The following NBEA variants were observed in gnomAD, a reference collection of about 807,000 sequenced individuals.
The protein encoded by NBEA is lysosomal-trafficking regulator 2.
Under a neutral mutation model 343.4 loss-of-function variants are expected in NBEA, and 44 were observed. That is an observed-to-expected ratio of 0.13 (90% confidence interval 0.10 to 0.16). NBEA has a LOEUF of 0.16. Ranked by LOEUF, NBEA falls within the 10% of genes least tolerant of loss-of-function variation. NBEA has a pLI of 1.00. For synonymous variants in NBEA, 1,175 were observed against 1,238.7 expected, an observed-to-expected ratio of 0.95 and a Z score of 1.08; for missense variants, 2,555 against 3,631.3, an observed-to-expected ratio of 0.70 and a Z score of 7.62.
intron 34 of NBEA, among the ~76,000 whole-genome samples, chr13:35,259,557 TA>T (rs564618436): frequency 2.0e-4 from 31 of 152,240 alleles, no homozygotes; most frequent in African/African-American, 7.2e-4. Context: ...ATTTTCACAT[TA>T]GGGGAAAAAT....
intron 1 of NBEA, among the ~76,000 whole-genome samples, chr13:34,963,618 C>T (rs554794122): frequency 2.6e-5 from 4 of 152,010 alleles, no homozygotes; most frequent in South Asian, 4.2e-4. Context: ...ACTTAAATTC[C>T]TGTAAAAATG....
intron 33 of NBEA, among the ~76,000 whole-genome samples, chr13:35,214,502 CT>C (rs924210059): frequency 6.6e-6 from 1 of 151,516 alleles, no homozygotes; most frequent in Non-Finnish European, 1.5e-5. Context: ...GGTGAGTATT[CT>C]TTTTTGCATA....
intron 36 of NBEA, among the ~76,000 whole-genome samples, chr13:35,317,041 T>G (rs1215160473): frequency 6.6e-6 from 1 of 152,180 alleles, no homozygotes; most frequent in African/African-American, 2.4e-5. Flanking sequence ...TTGCAAAAAT[T>G]TTCTCCCATG....
In NBEA at chr13:35,627,679, A is replaced by C. The variant is rs75766052; in HGVS notation, c.7450-402A>C. 3.7e-4 allele frequency among the ~76,000 whole-genome samples: 57 copies of C among 152,298 alleles called. 1 individual carries two copies. The East Asian group carries it at 0.011, about 29-fold the overall frequency. On this transcript the variant is annotated intron_variant, in intron 48 of 58. Coordinates refer to ENST00000379939, the MANE Select transcript of NBEA (RefSeq NM_001385012.1). Reference sequence around the variant, plus strand: ...ATCAGAGTTTCTCATAAAATTGCTTAATTTCAAACTAATATTTAAAAATGA... The same window carrying C: ...ATCAGAGTTTCTCATAAAATTGCTTCATTTCAAACTAATATTTAAAAATGA...
At chr13:35,526,015 T>C (rs1479336270) in intron 41 of NBEA, among the ~76,000 whole-genome samples, 1 of 152,176 alleles carries the variant, frequency 6.6e-6, no homozygotes, top group Non-Finnish European at 1.5e-5. Flanking sequence ...GTCTCAGCTC[T>C]CCCAGCATTT....
At chr13:35,251,940 T>C (rs953220585) in intron 34 of NBEA, 12 of 153,426 alleles carry the variant, frequency 7.8e-5, no homozygotes, top group African/African-American at 2.2e-4. Flanking sequence ...TGAAATTTTG[T>C]GATTGGTTTC....
intron 17 of NBEA, among the ~76,000 whole-genome samples, chr13:35,129,134 A>G (rs928907169): frequency 1.3e-5 from 2 of 152,024 alleles, no homozygotes; most frequent in African/African-American, 4.8e-5. Flanking sequence ...TGGGTGCAGC[A>G]CACCAACATG....
At chr13:35,434,687 G>A (rs527678305) in intron 39 of NBEA, among the ~76,000 whole-genome samples, 1 of 152,306 alleles carries the variant, frequency 6.6e-6, no homozygotes, top group African/African-American at 2.4e-5. Context: ...AAATACAGAG[G>A]ATGTAGAGAA....
At chr13:35,163,451 C>T (rs375886949) in intron 23 of NBEA, among the ~76,000 whole-genome samples, 6 of 151,668 alleles carry the variant, frequency 4.0e-5, no homozygotes, top group East Asian at 1.9e-4. Context: ...CTCAGGAGTT[C>T]GAGACCAGGG....
At chr13:35,156,963 C>A in intron 20 of NBEA, 115 bp from the exon 21 acceptor site, 1 of 773,598 alleles carries the variant, frequency 1.3e-6, no homozygotes, top group African/African-American at 1.8e-5. Flanking sequence ...GACTGTACAC[C>A]TTGCTTTACT....
At chr13:35,498,199 T>C (rs1320150312) in intron 41 of NBEA, among the ~76,000 whole-genome samples, 1 of 152,088 alleles carries the variant, frequency 6.6e-6, no homozygotes, top group Admixed American at 6.6e-5. Context: ...TCACTTGTAA[T>C]GTCCATCTTG....
At position 35,403,616 on chromosome 13, in the gene NBEA, A is replaced by G. The variant is rs1373016220; in HGVS notation, c.6180-28653A>G. Among the ~76,000 whole-genome samples, 3 of 152,242 alleles carry G rather than the reference A, an allele frequency of 2.0e-5. No individual in the cohort carries two copies. In the East Asian group the frequency reaches 5.8e-4, roughly 29 times the overall value. ...TACAAAAATTAATTCAAGATGGATTAGAGACTTAAACATTAGACCTAAAAC... is the reference window on the plus strand; with the variant it reads ...TACAAAAATTAATTCAAGATGGATTGGAGACTTAAACATTAGACCTAAAAC... On this transcript the variant is annotated intron_variant, in intron 38 of 58. Coordinates refer to ENST00000379939, the MANE Select transcript of NBEA (RefSeq NM_001385012.1).
intron 1 of NBEA, among the ~76,000 whole-genome samples, chr13:34,983,505 A>G (rs1474984746): frequency 6.6e-6 from 1 of 152,194 alleles, no homozygotes; most frequent in African/African-American, 2.4e-5. Context: ...TCTTTATAGT[A>G]GTATGATTTA....
At chr13:35,436,448 C>T (rs1336709772) in intron 39 of NBEA, among the ~76,000 whole-genome samples, 1 of 152,184 alleles carries the variant, frequency 6.6e-6, no homozygotes, top group Non-Finnish European at 1.5e-5. Context: ...CAGTGGCTCA[C>T]GCCTGTAATC....
chr13:35,157,295 C>A, intron 21 of NBEA, 25 bp downstream of exon 21: 1 of 1,487,304 alleles, frequency 6.7e-7, no homozygotes, highest in Non-Finnish European at 9.0e-7. Context: ...AACATTTTAA[C>A]ATCATCAGAG....
At chr13:34,959,805 G>T (rs1407317016) in intron 1 of NBEA, among the ~76,000 whole-genome samples, 4 of 152,080 alleles carry the variant, frequency 2.6e-5, no homozygotes, top group Non-Finnish European at 5.9e-5. Flanking sequence ...ATATCATAAT[G>T]TCATAGCACA....
intron 10 of NBEA, among the ~76,000 whole-genome samples, chr13:35,073,784 TAGA>T (rs2063984539): frequency 2.6e-5 from 4 of 151,828 alleles, no homozygotes; most frequent in South Asian, 2.1e-4. Flanking sequence ...TACAAAAAAA[TAGA>T]AGAAGTTAGA....
rs1593431921 is a variant in NBEA at position 35,636,233 on chromosome 13, C to T, written c.7617+7985C>T. On this transcript the variant is annotated intron_variant, in intron 49 of 58. Transcript: ENST00000379939. ...AAATAGATATTACTCAATCTAAGTA[C>T]CTAGACATTTCAGTTAGATATTTAG... Among the ~76,000 whole-genome samples, 6 of 152,232 alleles carry T rather than the reference C, an allele frequency of 3.9e-5. No individual in the cohort carries two copies. The East Asian group carries it at 7.7e-4, about 20-fold the overall frequency.
intron 39 of NBEA, among the ~76,000 whole-genome samples, chr13:35,439,109 G>A (rs958926502): frequency 6.6e-6 from 1 of 152,146 alleles, no homozygotes; most frequent in African/African-American, 2.4e-5. Context: ...TCCCAACAGG[G>A]GCAGGGGTAG....
Sources: gnomAD v4.1 joint callset for allele counts (sites outside exome capture counted in the v4.1 genomes callset) on GRCh38, gnomAD v4.1.1 for gene constraint, MANE v1.5 for transcripts, NCBI Gene and HGNC (gene_info 2026-07-23, HGNC 2026-07-21) for gene names.